ZNF804A: variants seen among roughly 807,000 people sequenced by gnomAD.
ZNF804A encodes zinc finger protein 804A.
A neutral mutation model predicts 16.5 loss-of-function variants in ZNF804A; 2 were observed. The observed-to-expected ratio is 0.12, with a 90% confidence interval of 0.05 to 0.38. ZNF804A has a LOEUF of 0.38. Ranked by LOEUF, ZNF804A falls within the 10% of genes least tolerant of loss-of-function variation. ZNF804A has a pLI of 0.99. For missense variants in ZNF804A, 1,473 were observed against 1,390.7 expected (o/e 1.06, Z -0.94); for synonymous variants, 534 against 489.6 (o/e 1.09, Z -1.20).
intron 1 of ZNF804A, among the ~76,000 whole-genome samples, chr2:184,685,347 T>C (rs961933115): frequency 1.4e-4 from 21 of 151,966 alleles, no homozygotes; most frequent in Non-Finnish European, 7.4e-5. Context: ...AGATTCCCTA[T>C]GTTTAGGCTC....
At chr2:184,647,696 G>GTT (rs1691904533) in intron 1 of ZNF804A, among the ~76,000 whole-genome samples, 2 of 152,094 alleles carry the variant, frequency 1.3e-5, no homozygotes, top group Non-Finnish European at 2.9e-5. Context: ...AAGAAAAAAT[G>GTT]TTTTTAAAAA....
intron 1 of ZNF804A, among the ~76,000 whole-genome samples, chr2:184,612,360 T>G (rs1006757364): frequency 2.0e-5 from 3 of 152,150 alleles, no homozygotes; most frequent in African/African-American, 7.2e-5. Flanking sequence ...TAGTACAGAT[T>G]GTTTAAAATT....
At chr2:184,883,389 G>A (rs1417892124) in intron 2 of ZNF804A, among the ~76,000 whole-genome samples, 2 of 151,976 alleles carry the variant, frequency 1.3e-5, no homozygotes, top group African/African-American at 4.8e-5. Flanking sequence ...TATTACAAAA[G>A]AATGAGGAGG....
At chr2:184,831,585 T>C (rs777179638) in intron 1 of ZNF804A, among the ~76,000 whole-genome samples, 5 of 152,044 alleles carry the variant, frequency 3.3e-5, no homozygotes, top group Non-Finnish European at 7.4e-5. Context: ...CCCCAGCCCA[T>C]GTTAATGAAT....
intron 2 of ZNF804A, among the ~76,000 whole-genome samples, chr2:184,895,556 A>G (rs1685051548): frequency 6.6e-6 from 1 of 152,186 alleles, no homozygotes; most frequent in Non-Finnish European, 1.5e-5. Context: ...TTCAAAGAGA[A>G]TTGTGCTACT....
At chr2:184,737,492 T>C (rs184906945) in intron 1 of ZNF804A, among the ~76,000 whole-genome samples, 6 of 152,338 alleles carry the variant, frequency 3.9e-5, no homozygotes, top group Admixed American at 2.0e-4. Flanking sequence ...ACAATGATAG[T>C]CATTTGTGTA....
chr2:184,686,593 G>A (rs1574162604), intron 1 of ZNF804A, among the ~76,000 whole-genome samples: 1 of 152,150 alleles, frequency 6.6e-6, no homozygotes, highest in Non-Finnish European at 1.5e-5. Context: ...TGATAGCTCT[G>A]TTTTAAGCTC....
chr2:184,621,297 C>T (rs113908818), intron 1 of ZNF804A, among the ~76,000 whole-genome samples: 49 of 151,788 alleles, frequency 3.2e-4, no homozygotes, highest in African/African-American at 1.2e-3. Context: ...GTAAGATACA[C>T]TATACATTTG....
At chr2:184,844,777 G>T (rs116218540) in intron 1 of ZNF804A, among the ~76,000 whole-genome samples, 2 of 151,716 alleles carry the variant, frequency 1.3e-5, no homozygotes, top group African/African-American at 2.4e-5. Context: ...GGGGAAGTCC[G>T]CAGCCATTGT....
intron 2 of ZNF804A, among the ~76,000 whole-genome samples, chr2:184,901,814 G>T (rs1382172461): frequency 2.0e-5 from 3 of 151,772 alleles, no homozygotes; most frequent in Non-Finnish European, 4.4e-5. Context: ...CTTAGAAATT[G>T]TTAGATAATA....
intron 1 of ZNF804A, among the ~76,000 whole-genome samples, chr2:184,697,256 A>G (rs1479866550): frequency 6.6e-6 from 1 of 152,068 alleles, no homozygotes; most frequent in South Asian, 2.1e-4. Flanking sequence ...TGTGAAGGGA[A>G]TAATGAAGCT....
intron 1 of ZNF804A, among the ~76,000 whole-genome samples, chr2:184,676,259 T>A (rs1692431123): frequency 6.6e-6 from 1 of 151,552 alleles, no homozygotes; most frequent in South Asian, 2.1e-4. Flanking sequence ...AGTGAATATA[T>A]GAATTATTTA....
In ZNF804A at chr2:184,839,901, TA is replaced by T. The variant is rs534767381; in HGVS notation, c.112-26461del. 1.6e-4 allele frequency among the ~76,000 whole-genome samples: 25 copies of T among 152,236 alleles called. 1 individual carries two copies. In the East Asian group the frequency reaches 4.8e-3, roughly 29 times the overall value. ...TGGCCTGACCTGAGTTATTTGTTTT[TA>T]AAAAAATAGAATAAGGGACCATAAC... On this transcript the variant is annotated intron_variant, in intron 1 of 3. Coordinates refer to ENST00000302277, the MANE Select transcript of ZNF804A (RefSeq NM_194250.2).
chr2:184,794,090 A>C (rs964257241), intron 1 of ZNF804A, among the ~76,000 whole-genome samples: 8 of 152,162 alleles, frequency 5.3e-5, no homozygotes, highest in Non-Finnish European at 1.0e-4. Context: ...GATACCCAGT[A>C]GTGGGATTGC....
At chr2:184,923,116 A>G (rs1685556319) in intron 2 of ZNF804A, among the ~76,000 whole-genome samples, 1 of 152,076 alleles carries the variant, frequency 6.6e-6, no homozygotes, top group Admixed American at 6.6e-5. Flanking sequence ...TATGAATTGC[A>G]TTAAATCTGT....
intron 1 of ZNF804A, among the ~76,000 whole-genome samples, chr2:184,830,110 CCACACA>C (rs151005970): frequency 8.6e-4 from 122 of 141,644 alleles, no homozygotes; most frequent in African/African-American, 2.2e-3. Flanking sequence ...ACACACCCAC[CCACACA>C]CACACACACA....
At chr2:184,871,247 G>C (rs187539707) in intron 2 of ZNF804A, among the ~76,000 whole-genome samples, 1 of 151,762 alleles carries the variant, frequency 6.6e-6, no homozygotes, top group Non-Finnish European at 1.5e-5. Flanking sequence ...TGGACCTACA[G>C]TAATAATCAC....
At chr2:184,629,740 G>C (rs1691574284) in intron 1 of ZNF804A, among the ~76,000 whole-genome samples, 1 of 152,084 alleles carries the variant, frequency 6.6e-6, no homozygotes, top group Admixed American at 6.5e-5. Flanking sequence ...GCAAATAACT[G>C]TACTGAATAT....
At chr2:184,926,474 G>A (rs559953289) in intron 2 of ZNF804A, among the ~76,000 whole-genome samples, 19 of 152,052 alleles carry the variant, frequency 1.2e-4, no homozygotes, top group Non-Finnish European at 2.5e-4. Flanking sequence ...TAAATGCCTT[G>A]AGGTAGTCTT....
Sources: gnomAD v4.1 joint callset for allele counts (sites outside exome capture counted in the v4.1 genomes callset) on GRCh38, gnomAD v4.1.1 for gene constraint, MANE v1.5 for transcripts, NCBI Gene and HGNC (gene_info 2026-07-23, HGNC 2026-07-21) for gene names.